The following GALNT1 variants were observed in gnomAD, a reference collection of about 807,000 sequenced individuals.
The protein encoded by GALNT1 is GalNAc transferase 1.
GALNT1 carries 17 observed loss-of-function variants against 65.7 expected under a neutral mutation model. That is an observed-to-expected ratio of 0.26 (90% CI 0.18 to 0.39). The LOEUF (loss-of-function observed/expected upper bound fraction) is 0.39, where lower values mean the gene tolerates loss of function less well. Among genes scored for constraint, GALNT1 ranks in the 10% least tolerant of loss-of-function variants. The probability of loss-of-function intolerance (pLI) is 1.00; values close to 1 mark genes in which losing one functional copy is unlikely to be tolerated. For missense variants in GALNT1, 460 were observed against 672.8 expected (o/e 0.68, Z 3.50); for synonymous variants, 210 against 219.7 (o/e 0.96, Z 0.39).
At chr18:35,599,140 T>A (rs372523653) in intron 1 of GALNT1, among the ~76,000 whole-genome samples, 12 of 152,080 alleles carry the variant, frequency 7.9e-5, no homozygotes, top group Admixed American at 2.0e-4. Flanking sequence ...GGATGGATAG[T>A]TTACAGGTGT....
intron 3 of GALNT1, among the ~76,000 whole-genome samples, chr18:35,674,653 A>G (rs2047682158): frequency 1.3e-5 from 2 of 152,194 alleles, no homozygotes; most frequent in African/African-American, 4.8e-5. Flanking sequence ...TTCCTAACCT[A>G]TACCTTGCTG....
At chr18:35,678,961 A>G (rs1226369154) in intron 4 of GALNT1, among the ~76,000 whole-genome samples, 1 of 152,218 alleles carries the variant, frequency 6.6e-6, no homozygotes, top group Admixed American at 6.5e-5. Context: ...GATAAATCCT[A>G]CCTTTTAAAG....
intron 1 of GALNT1, among the ~76,000 whole-genome samples, chr18:35,616,903 A>G (rs2144078067): frequency 6.6e-6 from 1 of 152,220 alleles, no homozygotes; most frequent in South Asian, 2.1e-4. Context: ...AACCCACTTG[A>G]AAGGGTTGTT....
chr18:35,642,763 C>A (rs1176498232), intron 1 of GALNT1, among the ~76,000 whole-genome samples: 1 of 152,124 alleles, frequency 6.6e-6, no homozygotes, highest in East Asian at 1.9e-4. Flanking sequence ...TTCCCTGGTT[C>A]CCCAAGCATT....
At chr18:35,679,596 C>T (rs191868654) in intron 4 of GALNT1, among the ~76,000 whole-genome samples, 217 of 152,234 alleles carry the variant, frequency 1.4e-3, no homozygotes, top group Admixed American at 2.9e-3. Flanking sequence ...TAGGCAGGGT[C>T]CTGGAGTGCC....
chr18:35,709,593 C>T, intron 11 of GALNT1, 31 bp from the exon 12 acceptor site: 1 of 1,608,958 alleles, frequency 6.2e-7, no homozygotes, highest in Non-Finnish European at 8.5e-7. Flanking sequence ...TGTTTTCTTC[C>T]ACTCTCATGT....
chr18:35,704,443 G>T (rs1209884171), intron 11 of GALNT1, among the ~76,000 whole-genome samples: 2 of 151,292 alleles, frequency 1.3e-5, no homozygotes, highest in Non-Finnish European at 2.9e-5. Context: ...AGAGGAGCTG[G>T]GACCACAGGC....
intron 1 of GALNT1, among the ~76,000 whole-genome samples, chr18:35,648,650 T>G (rs2047268970): frequency 6.6e-6 from 1 of 152,230 alleles, no homozygotes; most frequent in Non-Finnish European, 1.5e-5. Flanking sequence ...GTATGTGTCT[T>G]TTGAGAAAAC....
Position 35,684,901 on chromosome 18 carries a change from A to G in GALNT1, c.689+1303A>G, listed in dbSNP as rs548788655. ...GGTCCTGCCTCAGGTGAGAAGGTTA[A>G]TAGCAAACACCTGTATAAAGCTGGG... On this transcript the variant is annotated intron_variant, in intron 5 of 11. Transcript: ENST00000269195. Among the ~76,000 whole-genome samples, 54 of 152,328 alleles carry G rather than the reference A, an allele frequency of 3.5e-4. No homozygotes were observed. The South Asian group carries it at 0.01, about 29-fold the overall frequency.
chr18:35,620,573 T>C (rs2046837853), intron 1 of GALNT1, among the ~76,000 whole-genome samples: 1 of 152,208 alleles, frequency 6.6e-6, no homozygotes. Context: ...CATATTATTC[T>C]CTACAGTGTT....
intron 2 of GALNT1, among the ~76,000 whole-genome samples, chr18:35,657,963 C>T (rs1359547790): frequency 1.3e-5 from 2 of 152,138 alleles, no homozygotes; most frequent in Non-Finnish European, 2.9e-5. Context: ...CTTGAAAGAA[C>T]AAATTCTCAG....
intron 6 of GALNT1, 146 bp from the exon 7 acceptor site, chr18:35,689,027 C>A (rs1275767561): frequency 1.6e-6 from 1 of 642,938 alleles, no homozygotes. Flanking sequence ...ACACAGAAAG[C>A]CCCTGGGGCG....
At chr18:35,690,982 A>G (rs750750110) in intron 7 of GALNT1, 30 bp from the exon 8 acceptor site, 2 of 1,533,040 alleles carry the variant, frequency 1.3e-6, no homozygotes, top group East Asian at 2.3e-5. Flanking sequence ...ACTCAGCTAC[A>G]TGTTACATGG....
At position 35,585,165 on chromosome 18, in the gene GALNT1, G is replaced by A. The variant is rs1035244271; in HGVS notation, c.-104+3303G>A. Among the ~76,000 whole-genome samples, 133 of 151,946 alleles carry A rather than the reference G, an allele frequency of 8.8e-4. 6 individuals carry two copies. Among genetic ancestry groups the A allele is most frequent in the Non-Finnish European group, 4.3e-4 (29 of 67,978 alleles). ...ATTTAAACTCCTGCACCTGACTTTT[G>A]GGGACCCTTCAGAGTTACCCTCCAC... On this transcript the variant is annotated intron_variant, in intron 1 of 11. Transcript: ENST00000269195.
chr18:35,599,366 CTT>C (rs60191738), intron 1 of GALNT1, among the ~76,000 whole-genome samples: 14 of 122,712 alleles, frequency 1.1e-4, no homozygotes, highest in South Asian at 2.7e-4. Context: ...GAGATTTACA[CTT>C]TTTTTTTTTT....
At chr18:35,623,123 T>G (rs2046876008) in intron 1 of GALNT1, among the ~76,000 whole-genome samples, 1 of 152,180 alleles carries the variant, frequency 6.6e-6, no homozygotes, top group African/African-American at 2.4e-5. Flanking sequence ...GCTTTTATAT[T>G]TATTCATATA....
intron 3 of GALNT1, among the ~76,000 whole-genome samples, chr18:35,676,249 TAGTAGG>T (rs2047709243): frequency 6.6e-6 from 1 of 152,008 alleles, no homozygotes; most frequent in Non-Finnish European, 1.5e-5. Context: ...AGGTTACTGT[TAGTAGG>T]AGACGGAGAC....
intron 6 of GALNT1, among the ~76,000 whole-genome samples, chr18:35,688,502 A>C (rs1410457297): frequency 1.3e-5 from 2 of 152,110 alleles, no homozygotes; most frequent in African/African-American, 2.4e-5. Flanking sequence ...TTCTCTGCTT[A>C]ATTTCACATG....
At chr18:35,603,030 A>AT (rs1015395275) in intron 1 of GALNT1, among the ~76,000 whole-genome samples, 1 of 152,066 alleles carries the variant, frequency 6.6e-6, no homozygotes, top group African/African-American at 2.4e-5. Context: ...TGTAATTTTC[A>AT]TTTATCCTAG....
Sources: allele counts gnomAD v4.1 joint callset (sites outside exome capture counted in the v4.1 genomes callset), GRCh38; gene constraint gnomAD v4.1.1; transcripts MANE v1.5; gene names NCBI Gene and HGNC (gene_info 2026-07-23, HGNC 2026-07-21).